The following DLGAP1 variants were observed in gnomAD, a reference collection of about 807,000 sequenced individuals.
DLGAP1 encodes the protein DLG associated protein 1.
A neutral mutation model predicts 90.8 loss-of-function variants in DLGAP1; 11 were observed. The ratio of observed to expected loss-of-function variants is 0.12; its 90% CI spans 0.08 to 0.20. The LOEUF is 0.20. Ranked by LOEUF, DLGAP1 falls within the 10% of genes least tolerant of loss-of-function variation. DLGAP1 has a pLI of 1.00. For synonymous variants in DLGAP1, 558 were observed against 540.7 expected, an observed-to-expected ratio of 1.03 and a Z score of -0.44; for missense variants, 1,050 against 1,333.8, an observed-to-expected ratio of 0.79 and a Z score of 3.31.
chr18:3,804,702 T>A (rs554027294), intron 5 of DLGAP1, among the ~76,000 whole-genome samples: 2 of 152,310 alleles, frequency 1.3e-5, no homozygotes, highest in East Asian at 3.9e-4. Context: ...TTAAAGTTAC[T>A]CATGGAGGGT....
chr18:4,381,857 G>A (rs2082127077), intron 1 of DLGAP1, among the ~76,000 whole-genome samples: 1 of 152,234 alleles, frequency 6.6e-6, no homozygotes, highest in South Asian at 2.1e-4. Flanking sequence ...ATAAGAAAAT[G>A]AGGTTTAGGA....
chr18:3,561,120 G>A (rs1029713125), intron 9 of DLGAP1, among the ~76,000 whole-genome samples: 3 of 150,148 alleles, frequency 2.0e-5, no homozygotes, highest in African/African-American at 5.0e-5. Context: ...GATCAATTAC[G>A]AATGAGAAAA....
chr18:3,664,559 C>T (rs1363986341), intron 7 of DLGAP1, among the ~76,000 whole-genome samples: 2 of 152,140 alleles, frequency 1.3e-5, no homozygotes, highest in Non-Finnish European at 2.9e-5. Context: ...CCTTCTTGAT[C>T]CTTTGACTCT....
intron 1 of DLGAP1, among the ~76,000 whole-genome samples, chr18:4,246,980 C>T (rs1319672032): frequency 6.6e-6 from 1 of 152,004 alleles, no homozygotes. Flanking sequence ...TTATTTTATT[C>T]AATGATAATG....
intron 1 of DLGAP1, among the ~76,000 whole-genome samples, chr18:4,198,176 G>A (rs1188941727): frequency 2.0e-5 from 3 of 152,086 alleles, no homozygotes; most frequent in Admixed American, 6.5e-5. Context: ...AGCCGAGATC[G>A]TGCCACTGCA....
Position 4,342,082 on chromosome 18 carries a change from C to G in DLGAP1, c.-267+112924G>C, listed in dbSNP as rs2081202539. Among the ~76,000 whole-genome samples the G allele has an allele frequency of 6.6e-6, 1 of 152,036 alleles. No individual in the cohort carries two copies. Among genetic ancestry groups the G allele is most frequent in the Non-Finnish European group, 1.5e-5 (1 of 68,020 alleles). On this transcript the variant is annotated intron_variant, in intron 1 of 12. Transcript: ENST00000315677. This position sits in a 1 kb window ranked among gnomAD's most constrained non-coding sequence, Gnocchi z 5.8. Reference sequence around the variant, plus strand: ...TAAAGTCCTCGGCATGCGGTGAACACTAAATAAATGTTCCTTCCCTTCCCA... The same window carrying G: ...TAAAGTCCTCGGCATGCGGTGAACAGTAAATAAATGTTCCTTCCCTTCCCA...
chr18:3,863,704 T>C (rs1431842964), intron 4 of DLGAP1, among the ~76,000 whole-genome samples: 2 of 152,254 alleles, frequency 1.3e-5, no homozygotes, highest in African/African-American at 4.8e-5. Flanking sequence ...AACAGTGCAG[T>C]GCTGCTTGCT....
At chr18:3,876,709 G>C (rs529182211) in intron 4 of DLGAP1, among the ~76,000 whole-genome samples, 1 of 152,182 alleles carries the variant, frequency 6.6e-6, no homozygotes, top group Admixed American at 6.5e-5. Flanking sequence ...GTATACATGG[G>C]TGTTTTATTT....
intron 3 of DLGAP1, among the ~76,000 whole-genome samples, chr18:3,987,720 A>G (rs1226169762): frequency 6.6e-6 from 1 of 152,210 alleles, no homozygotes; most frequent in African/African-American, 2.4e-5. Flanking sequence ...TGTAATCATG[A>G]TATTGTCTTT....
At chr18:3,651,044 G>A (rs555624751) in intron 7 of DLGAP1, among the ~76,000 whole-genome samples, 7 of 150,666 alleles carry the variant, frequency 4.6e-5, no homozygotes, top group African/African-American at 9.8e-5. Flanking sequence ...CCAGCCTGGC[G>A]ACAGAGCCAG....
At chr18:3,889,101 AT>A (rs1387997244) in intron 3 of DLGAP1, among the ~76,000 whole-genome samples, 1 of 152,204 alleles carries the variant, frequency 6.6e-6, no homozygotes, top group Non-Finnish European at 1.5e-5. Context: ...AGAAAAACCC[AT>A]CAGCGTTTAC....
At chr18:3,772,349 TTTC>T (rs2064669342) in intron 5 of DLGAP1, among the ~76,000 whole-genome samples, 1 of 3,392 alleles carries the variant, frequency 2.9e-4, no homozygotes, top group Admixed American at 3.6e-3. Flanking sequence ...TCTCTCTCTC[TTTC>T]TTTCTTTCTT....
chr18:3,503,322 C>T (rs1286244177), intron 11 of DLGAP1, among the ~76,000 whole-genome samples: 1 of 152,216 alleles, frequency 6.6e-6, no homozygotes, highest in Non-Finnish European at 1.5e-5. Flanking sequence ...TACATCTCTA[C>T]ATCTATATGT....
In DLGAP1 at chr18:4,099,270, G is replaced by GTCTGTCTA. The variant is rs1489128495; in HGVS notation, c.-159+51909_-159+51910insTAGACAGA. Among the ~76,000 whole-genome samples, 9 of 147,894 alleles carry GTCTGTCTA rather than the reference G, an allele frequency of 6.1e-5. No individual in the cohort carries two copies. In the South Asian group the frequency reaches 1.3e-3, roughly 21 times the overall value. On this transcript the variant is annotated intron_variant, in intron 2 of 12. Coordinates refer to ENST00000315677, the MANE Select transcript of DLGAP1 (RefSeq NM_004746.4). ...TGTCTGTCTGTCTGTCTGTCTGTCT[G>GTCTGTCTA]TCTATCTATCTATCTATCTGTCTAT...
At chr18:4,126,273 A>G (rs2076232350) in intron 2 of DLGAP1, among the ~76,000 whole-genome samples, 1 of 152,206 alleles carries the variant, frequency 6.6e-6, no homozygotes, top group Non-Finnish European at 1.5e-5. Context: ...AGCTGATTTT[A>G]TATTGCCCTT....
chr18:4,090,051 A>AG (rs2075751759), intron 2 of DLGAP1, among the ~76,000 whole-genome samples: 2 of 152,090 alleles, frequency 1.3e-5, no homozygotes, highest in South Asian at 4.1e-4. Flanking sequence ...TCTAAAAAAA[A>AG]AGAAAGAAAC....
chr18:3,877,573 T>A (rs1025688732), intron 4 of DLGAP1, among the ~76,000 whole-genome samples: 4 of 152,212 alleles, frequency 2.6e-5, no homozygotes, highest in African/African-American at 9.6e-5. Flanking sequence ...AAGACAGATA[T>A]CCTTATCGAA....
intron 10 of DLGAP1, among the ~76,000 whole-genome samples, chr18:3,527,767 T>A (rs1436278356): frequency 6.6e-6 from 1 of 151,828 alleles, no homozygotes; most frequent in Non-Finnish European, 1.5e-5. Flanking sequence ...ATTAAAAAAA[T>A]ATATATTTTT....
At chr18:4,432,598 G>GTGTA (rs1271561515) in intron 1 of DLGAP1, among the ~76,000 whole-genome samples, 31 of 151,260 alleles carry the variant, frequency 2.0e-4, no homozygotes, top group Middle Eastern at 3.4e-3. Context: ...TAGTGTGTGT[G>GTGTA]TGTGTGTGTG....
Sources: gnomAD v4.1 joint callset for allele counts (sites outside exome capture counted in the v4.1 genomes callset) on GRCh38, gnomAD v4.1.1 for gene constraint, Gnocchi (gnomAD v3.1) non-coding constraint, MANE v1.5 for transcripts, NCBI Gene and HGNC (gene_info 2026-07-23, HGNC 2026-07-21) for gene names.